ANXA8: variants seen among roughly 807,000 people sequenced by gnomAD.
ANXA8 encodes VAC-beta.
In ANXA8, 9 loss-of-function variants were observed where a neutral mutation model predicts 26.8. The ratio of observed to expected loss-of-function variants is 0.34; its 90% CI spans 0.20 to 0.59. The LOEUF (loss-of-function observed/expected upper bound fraction) is 0.59. Ranked by LOEUF, ANXA8 falls within the 20% of genes least tolerant of loss-of-function variation. The pLI is 0.84. For missense variants in ANXA8, 83 were observed against 238.5 expected (o/e 0.35, Z 4.29); for synonymous variants, 39 against 94.8 (o/e 0.41, Z 3.42).
At chr10:47,615,936 C>G in the ANXA8 span, among the ~76,000 whole-genome samples, 8 of 74,002 alleles carry the variant, frequency 1.1e-4, 2 homozygotes, top group East Asian at 2.1e-3. Flanking sequence ...TTCTTTGCTT[C>G]CTTATAATTG....
chr10:47,894,617 TACAC>T, the ANXA8 span, among the ~76,000 whole-genome samples: 1 of 64,450 alleles, frequency 1.6e-5, no homozygotes, highest in Non-Finnish European at 3.6e-5. Flanking sequence ...ACACACACAC[TACAC>T]ACACCACACA....
At chr10:47,693,292 C>CTTTTTT in the ANXA8 span, among the ~76,000 whole-genome samples, 2 of 140,840 alleles carry the variant, frequency 1.4e-5, no homozygotes, top group African/African-American at 5.3e-5. Flanking sequence ...CAAGTACAAT[C>CTTTTTT]TTTTTTTTTT....
the ANXA8 span, among the ~76,000 whole-genome samples, chr10:47,701,031 G>A: frequency 1.3e-5 from 2 of 150,908 alleles, no homozygotes; most frequent in Admixed American, 1.3e-4. Flanking sequence ...GCAGTGAGCT[G>A]TATTCATGCC....
chr10:47,901,870 G>T, the ANXA8 span, among the ~76,000 whole-genome samples: 55 of 151,250 alleles, frequency 3.6e-4, no homozygotes, highest in African/African-American at 7.8e-4. Flanking sequence ...CAATTTGTTG[G>T]TTTTTTCTTA....
chr10:47,694,379 T>C, the ANXA8 span, among the ~76,000 whole-genome samples: 2 of 150,632 alleles, frequency 1.3e-5, no homozygotes, highest in Non-Finnish European at 2.9e-5. Context: ...GGGTAGTTCA[T>C]ACTACCTATT....
Position 47,468,778 on chromosome 10 carries a change from A to C in ANXA8, c.*69T>G. 6.3e-7 allele frequency: 1 copy of C among 1,589,406 alleles called. No homozygotes were observed. The highest frequency in any genetic ancestry group is 1.4e-5 in the African/African-American group (1 of 72,924). ...CCCCCCTCACACCCAACCTGCGTCC[A>C]TGGCCGAGGTTGAGTGAGGAGTCCT... On this transcript the variant is annotated 3_prime_UTR_variant, in exon 12 of 12. Coordinates refer to ENST00000585281, the MANE Select transcript of ANXA8 (RefSeq NM_001040084.3).
At chr10:47,584,118 A>G in the ANXA8 span, among the ~76,000 whole-genome samples, 355 of 148,548 alleles carry the variant, frequency 2.4e-3, 37 homozygotes, top group African/African-American at 8.7e-3. Context: ...GGTTGAAGCT[A>G]TAGTGAGCCG....
the ANXA8 span, among the ~76,000 whole-genome samples, chr10:47,693,643 C>T: frequency 1.3e-5 from 2 of 151,800 alleles, no homozygotes; most frequent in African/African-American, 4.8e-5. Flanking sequence ...ACAGGCTTAG[C>T]ATAGCCACAT....
chr10:47,747,315 T>A, the ANXA8 span, among the ~76,000 whole-genome samples: 1 of 151,678 alleles, frequency 6.6e-6, no homozygotes, highest in African/African-American at 2.4e-5. Flanking sequence ...AAAGGAACAC[T>A]TTCCCCTTGA....
the ANXA8 span, among the ~76,000 whole-genome samples, chr10:47,689,359 G>A: frequency 6.6e-6 from 1 of 151,718 alleles, no homozygotes. Context: ...TTTGTTTTTA[G>A]TATAGACGGC....
At chr10:47,887,905 C>G in the ANXA8 span, among the ~76,000 whole-genome samples, 4 of 3,580 alleles carry the variant, frequency 1.1e-3, no homozygotes, top group African/African-American at 3.5e-3. Flanking sequence ...GTTTTACCTT[C>G]TTTTTCTTTT....
At chr10:47,727,122 G>C in the ANXA8 span, among the ~76,000 whole-genome samples, 2 of 152,310 alleles carry the variant, frequency 1.3e-5, no homozygotes, top group African/African-American at 4.8e-5. Context: ...TTAGAAGGTT[G>C]ACTTGCTTTA....
the ANXA8 span, among the ~76,000 whole-genome samples, chr10:47,938,694 G>A: frequency 8.9e-5 from 13 of 146,258 alleles, 1 homozygote; most frequent in Admixed American, 2.0e-4. Flanking sequence ...AATTTTCCAC[G>A]GGGCTCTGGG....
the ANXA8 span, among the ~76,000 whole-genome samples, chr10:47,564,093 G>A: frequency 1.5e-5 from 2 of 130,844 alleles, no homozygotes; most frequent in Non-Finnish European, 1.6e-5. Flanking sequence ...AGCCGAGCGG[G>A]CGCCTTGAGC....
At chr10:47,945,540 G>C in the ANXA8 span, among the ~76,000 whole-genome samples, 60 of 149,146 alleles carry the variant, frequency 4.0e-4, no homozygotes, top group Non-Finnish European at 6.2e-4. Flanking sequence ...GTCAGCTCCA[G>C]AGAGGGACAG....
At chr10:47,685,755 A>C in the ANXA8 span, among the ~76,000 whole-genome samples, 1 of 149,734 alleles carries the variant, frequency 6.7e-6, no homozygotes, top group Non-Finnish European at 1.5e-5. Flanking sequence ...AATTTAGGAA[A>C]GAGTAATGTT....
the ANXA8 span, among the ~76,000 whole-genome samples, chr10:47,567,131 G>A: frequency 9.3e-6 from 1 of 107,456 alleles, no homozygotes; most frequent in South Asian, 3.3e-4. Context: ...TCAGGCGCCA[G>A]CCAAGCCCCC....
At chr10:47,606,265 A>ACT in the ANXA8 span, among the ~76,000 whole-genome samples, 3 of 149,108 alleles carry the variant, frequency 2.0e-5, no homozygotes, top group Non-Finnish European at 4.4e-5. Context: ...CATAAACCAC[A>ACT]CTTTAAGCAA....
the ANXA8 span, among the ~76,000 whole-genome samples, chr10:47,596,875 C>T: frequency 4.1e-5 from 6 of 147,928 alleles, no homozygotes; most frequent in South Asian, 1.1e-3. Context: ...TCCAAAAAAT[C>T]GAGGATGAGA....
Sources: gnomAD v4.1 joint callset for allele counts (sites outside exome capture counted in the v4.1 genomes callset) on GRCh38, gnomAD v4.1.1 for gene constraint, MANE v1.5 for transcripts, NCBI Gene and HGNC (gene_info 2026-07-23, HGNC 2026-07-21) for gene names.